ACVR2A: variants seen among roughly 807,000 people sequenced by gnomAD.
ACVR2A encodes activin receptor type-2A.
ACVR2A carries 7 observed loss-of-function variants against 61.4 expected under a neutral mutation model. The ratio of observed to expected loss-of-function variants is 0.11; its 90% CI spans 0.06 to 0.21. ACVR2A has a LOEUF of 0.21. Ranked by LOEUF, ACVR2A falls within the 10% of genes least tolerant of loss-of-function variation. The probability of loss-of-function intolerance (pLI) is 1.00; values close to 1 mark genes in which losing one functional copy is unlikely to be tolerated. For missense variants in ACVR2A, 322 were observed against 621.7 expected (o/e 0.52, Z 5.13); for synonymous variants, 193 against 208.3 (o/e 0.93, Z 0.63).
At chr2:147,885,762 T>G (rs1403111733) in intron 1 of ACVR2A, among the ~76,000 whole-genome samples, 1 of 152,162 alleles carries the variant, frequency 6.6e-6, no homozygotes, top group Non-Finnish European at 1.5e-5. Flanking sequence ...AGGTAAAGTT[T>G]GAATAAAGTT....
Position 147,928,053 on chromosome 2 carries a change from T to C in ACVR2A, c.*779T>C, listed in dbSNP as rs1223366188. The C allele has an allele frequency of 6.6e-6, 1 of 152,304 alleles. No individual in the cohort carries two copies. The highest frequency in any genetic ancestry group is 2.4e-5 in the African/African-American group (1 of 41,384). The allele number at this position is 152,304 out of a possible 1,614,324, so 9.4% of individuals were successfully genotyped here. A position where few individuals can be genotyped will look rare whatever the true frequency, so the allele number is the denominator to read the frequency against. ...GCATTTCTTGTGCTGGCTTGTAATG[T>C]AGGGAAAAAAAGTGCTGTTTTTTGA... On this transcript the variant is annotated 3_prime_UTR_variant, in exon 11 of 11. Coordinates refer to ENST00000241416, the MANE Select transcript of ACVR2A (RefSeq NM_001616.5).
chr2:147,907,859 G>C (rs894291072), intron 4 of ACVR2A, among the ~76,000 whole-genome samples: 1 of 151,488 alleles, frequency 6.6e-6, no homozygotes, highest in Non-Finnish European at 1.5e-5. Context: ...AACAACATGG[G>C]GAAACCCCAT....
At chr2:147,910,219 G>A (rs2105207306) in intron 4 of ACVR2A, among the ~76,000 whole-genome samples, 1 of 152,086 alleles carries the variant, frequency 6.6e-6, no homozygotes, top group Middle Eastern at 3.4e-3. Context: ...TCATTTCTTG[G>A]GAAATGTATT....
At chr2:147,885,027 A>G (rs1686393677) in intron 1 of ACVR2A, among the ~76,000 whole-genome samples, 1 of 152,046 alleles carries the variant, frequency 6.6e-6, no homozygotes, top group Admixed American at 6.6e-5. Context: ...CCTCTGTTTA[A>G]CTTACAGTTC....
intron 10 of ACVR2A, among the ~76,000 whole-genome samples, chr2:147,926,450 C>CTGTGGATAGTTGGGTAACTTTGCTGA (rs1687502042): frequency 2.0e-5 from 3 of 151,910 alleles, no homozygotes; most frequent in Non-Finnish European, 2.9e-5. Context: ...GACTCGGAAA[C>CTGTGGATAGTTGGGTAACTTTGCTGA]TGTGGATAGT....
chr2:147,921,968 C>T (rs1429320571), intron 8 of ACVR2A, among the ~76,000 whole-genome samples: 1 of 151,922 alleles, frequency 6.6e-6, no homozygotes, highest in East Asian at 1.9e-4. Flanking sequence ...GTACAAAGAA[C>T]ACATATAAAA....
intron 1 of ACVR2A, among the ~76,000 whole-genome samples, chr2:147,884,324 G>T (rs1686379064): frequency 6.6e-6 from 1 of 152,022 alleles, no homozygotes; most frequent in African/African-American, 2.4e-5. Flanking sequence ...CTGTTTTGAT[G>T]TAATTCATCT....
At chr2:147,849,144 G>A (rs1028643158) in intron 1 of ACVR2A, among the ~76,000 whole-genome samples, 2 of 151,972 alleles carry the variant, frequency 1.3e-5, no homozygotes, top group Non-Finnish European at 2.9e-5. Flanking sequence ...TCCTATCACC[G>A]ATTTTGATAG....
chr2:147,857,048 A>AT (rs1196670467), intron 1 of ACVR2A, among the ~76,000 whole-genome samples: 1 of 152,082 alleles, frequency 6.6e-6, no homozygotes, highest in African/African-American at 2.4e-5. Flanking sequence ...GTCAGGTACT[A>AT]TTTTCTCCAG....
At chr2:147,858,537 T>C (rs1685646569) in intron 1 of ACVR2A, among the ~76,000 whole-genome samples, 2 of 152,198 alleles carry the variant, frequency 1.3e-5, no homozygotes, top group African/African-American at 4.8e-5. Context: ...TTTTTATTCC[T>C]CTGAGCTTTT....
At chr2:147,856,560 A>T (rs114922011) in intron 1 of ACVR2A, among the ~76,000 whole-genome samples, 1 of 152,182 alleles carries the variant, frequency 6.6e-6, no homozygotes, top group Non-Finnish European at 1.5e-5. Context: ...GGATTAGTGA[A>T]TACAGTTTGC....
At chr2:147,893,090 C>T (rs1179449411) in intron 1 of ACVR2A, among the ~76,000 whole-genome samples, 1 of 152,130 alleles carries the variant, frequency 6.6e-6, no homozygotes, top group Non-Finnish European at 1.5e-5. Context: ...CCCTCACTCC[C>T]AGCTTCTGGC....
upstream of ACVR2A, chr2:147,844,779 C>T (rs1434148932): frequency 1.2e-5 from 2 of 168,452 alleles, no homozygotes; most frequent in Non-Finnish European, 2.5e-5. Flanking sequence ...CCGCCGCCGC[C>T]TCTTCGTCGC....
intron 1 of ACVR2A, among the ~76,000 whole-genome samples, chr2:147,848,500 C>T (rs958851124): frequency 1.3e-5 from 2 of 152,066 alleles, no homozygotes; most frequent in Non-Finnish European, 2.9e-5. Flanking sequence ...GTACAGCCTT[C>T]CACAACAAAG....
At chr2:147,917,055 A>G (rs1334291009) in intron 5 of ACVR2A, among the ~76,000 whole-genome samples, 1 of 152,008 alleles carries the variant, frequency 6.6e-6, no homozygotes, top group Non-Finnish European at 1.5e-5. Flanking sequence ...TTTGTAAACT[A>G]GAAACACAGA....
chr2:147,899,678 T>C (rs1686826323), intron 3 of ACVR2A, 66 bp from the exon 4 acceptor site: 1 of 1,595,944 alleles, frequency 6.3e-7, no homozygotes, highest in Non-Finnish European at 8.6e-7. Context: ...TTTGAGACTA[T>C]GACAGATATT....
chr2:147,856,726 G>A (rs1299127769), intron 1 of ACVR2A, among the ~76,000 whole-genome samples: 4 of 152,100 alleles, frequency 2.6e-5, no homozygotes, highest in Non-Finnish European at 5.9e-5. Flanking sequence ...TAATAGTAAA[G>A]CAATTTGATT....
chr2:147,881,877 A>C (rs1686311270), intron 1 of ACVR2A, among the ~76,000 whole-genome samples: 1 of 152,134 alleles, frequency 6.6e-6, no homozygotes, highest in South Asian at 2.1e-4. Flanking sequence ...AGAAAGGTTT[A>C]AGAAATTTAA....
intron 4 of ACVR2A, among the ~76,000 whole-genome samples, chr2:147,912,669 T>C (rs886380075): frequency 3.9e-5 from 6 of 152,004 alleles, no homozygotes; most frequent in Admixed American, 1.3e-4. Flanking sequence ...AACTTACAGA[T>C]GAATTTAAAG....
Sources: allele counts gnomAD v4.1 joint callset (sites outside exome capture counted in the v4.1 genomes callset), GRCh38; gene constraint gnomAD v4.1.1; transcripts MANE v1.5; gene names NCBI Gene and HGNC (gene_info 2026-07-23, HGNC 2026-07-21).